The following NEMF variants were observed in gnomAD, a reference collection of about 807,000 sequenced individuals.
NEMF encodes nuclear export mediator factor.
In NEMF, 89 loss-of-function variants were observed where a neutral mutation model predicts 162.2. The observed-to-expected ratio is 0.55, with a 90% confidence interval of 0.46 to 0.65. The LOEUF is 0.65. Among genes scored for constraint, NEMF ranks in the 30% least tolerant of loss-of-function variants. The probability of loss-of-function intolerance (pLI) is 0.00; values close to 1 mark genes in which losing one functional copy is unlikely to be tolerated. For missense variants in NEMF, 1,133 were observed against 1,261.9 expected, an observed-to-expected ratio of 0.90 and a Z score of 1.55; for synonymous variants, 421 against 404.5, an observed-to-expected ratio of 1.04 and a Z score of -0.49.
chr14:49,799,210 A>C (rs964441869), intron 25 of NEMF, among the ~76,000 whole-genome samples: 1 of 140,300 alleles, frequency 7.1e-6, no homozygotes, highest in Non-Finnish European at 1.5e-5. Context: ...CCTGTTTCAA[A>C]AAAAAAAAAA....
At chr14:49,820,418 T>C (rs1165134682) in intron 16 of NEMF, 1 of 456,628 alleles carries the variant, frequency 2.2e-6, no homozygotes, top group African/African-American at 2.0e-5. Context: ...GGTCACTGCA[T>C]GACTTCGCTG....
intron 4 of NEMF, chr14:49,845,922 G>T: frequency 1.8e-6 from 1 of 544,194 alleles, no homozygotes; most frequent in Non-Finnish European, 3.2e-6. Flanking sequence ...CATTCATAAG[G>T]CTATTCTAAA....
At position 49,814,395 on chromosome 14, in the gene NEMF, C is replaced by T. The variant is rs189838652; in HGVS notation, c.1682-345G>A. Among the ~76,000 whole-genome samples the T allele has an allele frequency of 9.1e-3, 1,388 of 152,266 alleles. 29 individuals are homozygous for T. Among genetic ancestry groups the T allele is most frequent in the Non-Finnish European group, 0.01 (693 of 68,018 alleles). On this transcript the variant is annotated intron_variant, in intron 17 of 32. Coordinates refer to ENST00000298310, the MANE Select transcript of NEMF (RefSeq NM_004713.6). ...CTGAGATTACAGGCGTGAGCCACCA[C>T]GCCCGGCCAAGTCCTACTTCTAGGT...
chr14:49,786,929 TTG>T (rs1890205999), intron 28 of NEMF, 179 bp from the exon 29 acceptor site: 2 of 570,972 alleles, frequency 3.5e-6, no homozygotes, highest in East Asian at 5.8e-5. Context: ...GTATATGTGT[TTG>T]TGTGTGTCTG....
intron 29 of NEMF, 102 bp from the exon 30 acceptor site, chr14:49,785,422 C>CTGAT (rs1890123189): frequency 1.3e-6 from 1 of 775,294 alleles, no homozygotes; most frequent in Admixed American, 2.0e-5. Flanking sequence ...TTATCTTTTC[C>CTGAT]TGATATACAT....
chr14:49,804,398 C>A (rs751368249), intron 19 of NEMF, among the ~76,000 whole-genome samples: 8 of 152,148 alleles, frequency 5.3e-5, no homozygotes, highest in Non-Finnish European at 1.2e-4. Context: ...AATTTTGGGG[C>A]CAGGTACAGT....
chr14:49,785,667 C>A, intron 29 of NEMF: 1 of 223,066 alleles, frequency 4.5e-6, no homozygotes, highest in South Asian at 6.5e-5. Context: ...GCGGGTGGAT[C>A]GCTTGAGCCC....
chr14:49,810,261 G>A (rs371288779), intron 18 of NEMF, among the ~76,000 whole-genome samples: 11 of 151,566 alleles, frequency 7.3e-5, no homozygotes, highest in African/African-American at 2.7e-4. Context: ...CCAGCTACTC[G>A]GGAGGCTGAG....
At chr14:49,818,779 C>T (rs1891847487) in intron 16 of NEMF, among the ~76,000 whole-genome samples, 2 of 151,926 alleles carry the variant, frequency 1.3e-5, no homozygotes, top group African/African-American at 4.8e-5. Flanking sequence ...CCACTGGGCT[C>T]CCCAAATGCT....
intron 23 of NEMF, 134 bp downstream of exon 23, chr14:49,800,286 T>A: frequency 1.3e-6 from 1 of 768,944 alleles, no homozygotes. Flanking sequence ...AGAGACCCAA[T>A]CAAATGTTGA....
At chr14:49,838,410 TAAG>T (rs138369485) in intron 5 of NEMF, among the ~76,000 whole-genome samples, 22 of 152,320 alleles carry the variant, frequency 1.4e-4, no homozygotes, top group Admixed American at 4.6e-4. Flanking sequence ...GGCAGTTTTC[TAAG>T]ATAAACCAGT....
intron 3 of NEMF, among the ~76,000 whole-genome samples, chr14:49,849,176 C>G (rs1228687378): frequency 6.6e-6 from 1 of 152,186 alleles, no homozygotes; most frequent in Non-Finnish European, 1.5e-5. Context: ...GTAGGGCTAT[C>G]TTTAAATCCC....
At chr14:49,800,795 T>C (rs1423797640) in intron 22 of NEMF, 99 bp from the exon 23 acceptor site, 2 of 1,182,608 alleles carry the variant, frequency 1.7e-6, no homozygotes, top group East Asian at 4.7e-5. Flanking sequence ...TCTCCCATAT[T>C]TCTCCAAAAA....
At chr14:49,840,644 G>T in intron 5 of NEMF, 74 bp downstream of exon 5, 3 of 1,313,836 alleles carry the variant, frequency 2.3e-6, no homozygotes, top group Non-Finnish European at 1.0e-6. Context: ...TTTTTTTTAA[G>T]AGACAGGGTC....
At chr14:49,839,426 G>A (rs906637417) in intron 5 of NEMF, 3 of 152,076 alleles carry the variant, frequency 2.0e-5, no homozygotes, top group Non-Finnish European at 4.4e-5. Context: ...TGAAGCAGTG[G>A]GAGTGGAGAA....
chr14:49,841,920 A>T (rs1049046677), intron 4 of NEMF, among the ~76,000 whole-genome samples: 1 of 152,160 alleles, frequency 6.6e-6, no homozygotes, highest in Non-Finnish European at 1.5e-5. Flanking sequence ...AGCCTGACCA[A>T]CATGGAGAAA....
chr14:49,830,965 A>G (rs1892604039), intron 11 of NEMF, among the ~76,000 whole-genome samples: 1 of 152,224 alleles, frequency 6.6e-6, no homozygotes, highest in Admixed American at 6.5e-5. Context: ...AATCTCCCTA[A>G]AACAGTATCT....
intron 10 of NEMF, 110 bp downstream of exon 10, chr14:49,831,941 C>A: frequency 2.9e-6 from 2 of 682,790 alleles, no homozygotes; most frequent in South Asian, 4.2e-5. Context: ...TGCCCAGATT[C>A]ACAGTGAATG....
Position 49,817,155 on chromosome 14 carries a change from AAGAC to A in NEMF, c.1578-2302_1578-2299del, listed in dbSNP as rs202182890. Among the ~76,000 whole-genome samples the A allele has an allele frequency of 5.5e-3, 831 of 152,314 alleles. 2 individuals carry two copies. Among genetic ancestry groups the A allele is most frequent in the Middle Eastern group, 0.017 (5 of 294 alleles). On this transcript the variant is annotated intron_variant, in intron 16 of 32. Coordinates refer to ENST00000298310, the MANE Select transcript of NEMF (RefSeq NM_004713.6). ...AAAGGTTGAAATATAATGATGAAAA[AAGAC>A]AGGCCAGGCGCGGTGGCTTATGCCT...
Sources: allele counts gnomAD v4.1 joint callset (sites outside exome capture counted in the v4.1 genomes callset), GRCh38; gene constraint gnomAD v4.1.1; transcripts MANE v1.5; gene names NCBI Gene and HGNC (gene_info 2026-07-23, HGNC 2026-07-21).